Variants in HSPG2 observed in about 807,000 individuals in gnomAD.
HSPG2 encodes the protein basement membrane-specific heparan sulfate proteoglycan core protein.
Under a neutral mutation model 526.6 loss-of-function variants are expected in HSPG2, and 278 were observed. The ratio of observed to expected loss-of-function variants is 0.53; its 90% CI spans 0.48 to 0.58. The LOEUF (loss-of-function observed/expected upper bound fraction) is 0.58, where lower values mean the gene tolerates loss of function less well. HSPG2 is among the 20% of genes least tolerant of loss of function. The pLI is 0.00. For synonymous variants in HSPG2, 2,465 were observed against 2,555.4 expected (o/e 0.96, Z 1.07); for missense variants, 5,354 against 6,099.5 (o/e 0.88, Z 4.07).
intron 39 of HSPG2, 71 bp from the exon 40 acceptor site, chr1:21,860,306 G>A: frequency 1.4e-6 from 2 of 1,443,110 alleles, no homozygotes; most frequent in East Asian, 2.4e-5. Context: ...GACTTGGGGA[G>A]CCAGAAGCTC....
intron 14 of HSPG2, 53 bp downstream of exon 14, chr1:21,881,285 GC>G (rs1396248931): frequency 6.3e-7 from 1 of 1,595,666 alleles, no homozygotes; most frequent in Admixed American, 1.7e-5. Flanking sequence ...TGCAGAAGGA[GC>G]AGAGCCCACA....
Position 21,846,476 on chromosome 1 carries a change from C to A in HSPG2, c.8288G>T (p.Arg2763Leu). 1 of 1,613,672 alleles carries A rather than the reference C, an allele frequency of 6.2e-7. No individual in the cohort carries two copies. Among genetic ancestry groups the A allele is most frequent in the Non-Finnish European group, 8.5e-7 (1 of 1,180,048 alleles). The change falls in exon 63 of 97, where the codon CGT becomes CTT. Residue 2763 changes from arginine (R) to leucine (L), a missense_variant. By Grantham distance (102) the Arg-to-Leu change is moderately radical. Transcript: ENST00000374695. Reference sequence around the variant, plus strand: ...ATGGTGACTGGGGAGGCTGCCCCCACGCTTGTGCCAAGTGACCTGGGCATG... The same window carrying A: ...ATGGTGACTGGGGAGGCTGCCCCCAAGCTTGTGCCAAGTGACCTGGGCATG... ...QAHAQVTWHK[R>L]GGSLPSHHQT...
rs986363048 is a variant in HSPG2, at chr1:21,839,257, C to T, written c.9889+114G>A. 1 of 1,460,230 alleles carries T rather than the reference C, an allele frequency of 6.8e-7. No individual in the cohort carries two copies. Among genetic ancestry groups the T allele is most frequent in the Non-Finnish European group, 9.5e-7 (1 of 1,056,100 alleles). The allele number at this position is 1,460,230 out of a possible 1,614,324, so 90.5% of individuals were successfully genotyped here. On this transcript the variant is annotated intron_variant, in intron 73 of 96. Transcript: ENST00000374695. This position sits in a 1 kb window ranked among gnomAD's most constrained non-coding sequence, Gnocchi z 4.5. ...TGTCGGGCAGGGCAGGCTCCAGGAC[C>T]CTGCAGCGCCTGGAGACCTCTGGAT...
chr1:21,878,228 C>T lies in HSPG2; in HGVS notation c.2643G>A (p.Glu881=), dbSNP rs1044632125. The T allele has an allele frequency of 2.5e-6, 4 of 1,613,926 alleles. No individual in the cohort carries two copies. The highest frequency in any genetic ancestry group is 3.4e-6 in the Non-Finnish European group (4 of 1,180,004). ...PVNQEIVRCD[E]RGSMGTSGEA... ...CCCCGGAGGTCCCCATGCTGCCACG[C>T]TCGTCACAGCGCACAATCTCCTGGT... is the stretch of plus-strand genomic sequence containing the variant. The change falls in exon 21 of 97, where the codon GAG becomes GAA. Residue 881 remains glutamate (E), a synonymous_variant. Transcript: ENST00000374695.
Position 21,874,606 on chromosome 1 carries a change from C to G in HSPG2, c.3528+10G>C. On this transcript the variant is annotated intron_variant, in intron 27 of 96. Transcript: ENST00000374695. ...ATTGCTGGGGTGGGCGGAAGGAGGG[C>G]GGGACTTACCTGGCAGGCACCTGTT... is the stretch of plus-strand genomic sequence containing the variant. The G allele has an allele frequency of 6.2e-7, 1 of 1,613,606 alleles. No homozygotes were observed. Among genetic ancestry groups the G allele is most frequent in the East Asian group, 2.2e-5 (1 of 44,860 alleles).
chr1:21,867,114 C>T (rs1339328414), intron 33 of HSPG2, among the ~76,000 whole-genome samples: 1 of 94,414 alleles, frequency 1.1e-5, no homozygotes, highest in African/African-American at 3.9e-5. Flanking sequence ...CTATGTTGCT[C>T]AGGCACTTTT....
At position 21,927,266 on chromosome 1, in the gene HSPG2, G is replaced by C. The variant is rs570274060; in HGVS notation, c.63+9889C>G. On this transcript the variant is annotated intron_variant, in intron 1 of 96. Coordinates refer to ENST00000374695, the MANE Select transcript of HSPG2 (RefSeq NM_005529.7). ...AACACCTAGGTGTGACCCGCCTGAT[G>C]GGGAGGGGGGACACATCTCTACCCA... is the stretch of plus-strand genomic sequence containing the variant. 1.4e-3 allele frequency among the ~76,000 whole-genome samples: 220 copies of C among 151,808 alleles called. 2 individuals are homozygous for C. The highest frequency in any genetic ancestry group is 5.0e-3 in the African/African-American group (205 of 41,116).
chr1:21,842,076 C>G lies in HSPG2; in HGVS notation c.9119G>C (p.Ser3040Thr). The G allele has an allele frequency of 1.2e-6, 2 of 1,613,662 alleles. No individual in the cohort carries two copies. Among genetic ancestry groups the G allele is most frequent in the Non-Finnish European group, 1.7e-6 (2 of 1,180,026 alleles). The change falls in exon 69 of 97, where the codon AGC becomes ACC. Residue 3040 changes from serine (S) to threonine (T), a missense_variant. Physicochemically the swap from Ser to Thr is moderately conservative, Grantham distance 58. Coordinates refer to ENST00000374695, the MANE Select transcript of HSPG2 (RefSeq NM_005529.7). ...CCCGTCATGGATGAGGCACTTGAAGCTGGCATCCTGGCCCTGCTGCACGGT... is the reference window on the plus strand; with the variant it reads ...CCCGTCATGGATGAGGCACTTGAAGGTGGCATCCTGGCCCTGCTGCACGGT... Reference protein sequence around the residue: ...SSTVQQGQDASFKCLIHDGAA... With the variant: ...SSTVQQGQDATFKCLIHDGAA...
At chr1:21,925,894 G>C (rs917040204) in intron 1 of HSPG2, among the ~76,000 whole-genome samples, 4 of 151,226 alleles carry the variant, frequency 2.6e-5, no homozygotes, top group African/African-American at 9.7e-5. Flanking sequence ...TTTTGAGACA[G>C]TCTTGGCTCA....
At chr1:21,881,277 CA>C (rs1278931452) in intron 14 of HSPG2, 61 bp downstream of exon 14, 7 of 1,585,674 alleles carry the variant, frequency 4.4e-6, no homozygotes, top group Non-Finnish European at 6.1e-6. Context: ...CCACCAACTG[CA>C]GAAGGAGCAG....
chr1:21,839,712 C>T lies in HSPG2; in HGVS notation c.9709+110G>A, dbSNP rs1046637019. 3.3e-5 allele frequency: 46 copies of T among 1,408,936 alleles called. No homozygotes were observed. The highest frequency in any genetic ancestry group is 2.8e-4 in the African/African-American group (20 of 70,742). The allele number at this position is 1,408,936 out of a possible 1,614,324, so 87.3% of individuals were successfully genotyped here. Reference sequence around the variant, plus strand: ...GGGGATGCTAGCAACACGGTCTCCCCGTACTCCCCACCCCTGGGCATGACA... The same window carrying T: ...GGGGATGCTAGCAACACGGTCTCCCTGTACTCCCCACCCCTGGGCATGACA... On this transcript the variant is annotated intron_variant, in intron 72 of 96. Coordinates refer to ENST00000374695, the MANE Select transcript of HSPG2 (RefSeq NM_005529.7). The surrounding 1 kb of genome is among the most constrained non-coding windows in gnomAD (Gnocchi z 4.5).
Position 21,873,418 on chromosome 1 carries a change from G to C in HSPG2, c.3750C>G (p.Ala1250=). The stretch of plus-strand genomic sequence containing the variant: ...GGCTGGGGTTGCCATAGTAGCCAGG[G>C]GCGCACCTGCAGAGAGAAAAAGCCT... The part of the protein sequence containing the change: ...GHSGRHCERC[A]PGYYGNPSQG... The change falls in exon 30 of 97, where the codon GCC becomes GCG. Residue 1250 remains alanine (A), a synonymous_variant. Transcript: ENST00000374695. 1 of 1,614,078 alleles carries C rather than the reference G, an allele frequency of 6.2e-7. No homozygotes were observed. Among genetic ancestry groups the C allele is most frequent in the Non-Finnish European group, 8.5e-7 (1 of 1,179,998 alleles).
chr1:21,878,636 C>G lies in HSPG2; in HGVS notation c.2499G>C (p.Thr833=). ...AGGCGTCACATGTGGCTTGGCCATC[C>G]GTGTCCAGGAAGCAAGTGTCTGAGA... is the stretch of plus-strand genomic sequence containing the variant. ...RRFSDTCFLD[T]DGQATCDACA... is the part of the protein sequence containing the mutation. Residue 833 remains threonine (T), a synonymous_variant, in exon 19 of 97, where the codon ACG becomes ACC. Coordinates refer to ENST00000374695, the MANE Select transcript of HSPG2 (RefSeq NM_005529.7). 3 of 1,614,114 alleles carry G rather than the reference C, an allele frequency of 1.9e-6. No individual in the cohort carries two copies. The highest frequency in any genetic ancestry group is 2.5e-6 in the Non-Finnish European group (3 of 1,180,026).
intron 42 of HSPG2, among the ~76,000 whole-genome samples, chr1:21,857,978 G>A (rs535869331): frequency 1.3e-5 from 2 of 152,124 alleles, no homozygotes; most frequent in Non-Finnish European, 2.9e-5. Context: ...CAACATCAGC[G>A]TCTCCTCCTT....
chr1:21,925,754 C>T (rs1190286645), intron 1 of HSPG2, among the ~76,000 whole-genome samples: 1 of 152,200 alleles, frequency 6.6e-6, no homozygotes, highest in Non-Finnish European at 1.5e-5. Flanking sequence ...TGTCTGGACA[C>T]AACAGGACCC....
chr1:21,901,659 C>A (rs1420166891), intron 1 of HSPG2, among the ~76,000 whole-genome samples: 1 of 152,138 alleles, frequency 6.6e-6, no homozygotes, highest in African/African-American at 2.4e-5. Context: ...CCGACTGCCC[C>A]CGCAGCTAGG....
Position 21,842,876 on chromosome 1 carries a change from T to C in HSPG2, c.8804A>G (p.His2935Arg), listed in dbSNP as rs760773938. 1 of 1,613,938 alleles carries C rather than the reference T, an allele frequency of 6.2e-7. No individual in the cohort carries two copies. Among genetic ancestry groups the C allele is most frequent in the Non-Finnish European group, 8.5e-7 (1 of 1,179,970 alleles). The change falls in exon 67 of 97, where the codon CAC becomes CGC. Residue 2935 changes from histidine (H) to arginine (R), a missense_variant. His to Arg is a conservative substitution (Grantham distance 29). Coordinates refer to ENST00000374695, the MANE Select transcript of HSPG2 (RefSeq NM_005529.7). ...ATCCAGAGTCTGCCCTTCAGTCACGTGTGAAGAGGAGGCCTCGATGTAGAT... is the reference window on the plus strand; with the variant it reads ...ATCCAGAGTCTGCCCTTCAGTCACGCGTGAAGAGGAGGCCTCGATGTAGAT... ...QPIYIEASSS[H>R]VTEGQTLDLN...
At chr1:21,837,174 C>T (rs2098029851) in intron 74 of HSPG2, among the ~76,000 whole-genome samples, 168 bp from the exon 75 acceptor site, 2 of 152,326 alleles carry the variant, frequency 1.3e-5, no homozygotes, top group African/African-American at 4.8e-5. Flanking sequence ...CATCTGCACA[C>T]ACAGCTGCCA....
chr1:21,849,977 C>T (rs1638759281), intron 57 of HSPG2, 64 bp downstream of exon 57: 1 of 1,603,108 alleles, frequency 6.2e-7, no homozygotes, highest in South Asian at 1.1e-5. Flanking sequence ...TGCGCCCGGT[C>T]AAGCCTATGC....
Sources: allele counts gnomAD v4.1 joint callset (sites outside exome capture counted in the v4.1 genomes callset), GRCh38; gene constraint gnomAD v4.1.1; non-coding constraint Gnocchi (gnomAD v3.1); transcripts MANE v1.5; gene names NCBI Gene and HGNC (gene_info 2026-07-23, HGNC 2026-07-21).